The following OR6J1 variants were observed in gnomAD, a reference collection of about 807,000 sequenced individuals.
The protein encoded by OR6J1 is olfactory receptor family 6 subfamily J member 1.
For synonymous variants in OR6J1, 109 were observed against 70.0 expected (o/e 1.56, Z -2.78); for missense variants, 304 against 166.8 (o/e 1.82, Z -4.53).
At chr14:22,638,848 GC>G (rs377278813) in intron 1 of OR6J1, among the ~76,000 whole-genome samples, 9,461 of 93,938 alleles carry the variant, frequency 0.1, 1,609 homozygotes, top group African/African-American at 0.33. Flanking sequence ...GAGCGTCTCC[GC>G]CCGGCCGCCA....
In OR6J1 at chr14:22,641,208, GATA is replaced by G. The variant is rs1252035888; in HGVS notation, c.-28+2887_-28+2889del. Among the ~76,000 whole-genome samples the G allele has an allele frequency of 7.1e-4, 18 of 25,308 alleles. 2 individuals carry two copies. Among genetic ancestry groups the G allele is most frequent in the African/African-American group, 1.8e-3 (5 of 2,838 alleles). 16.6% of individuals were successfully genotyped at this position (25,308 alleles called of 152,430 possible). On this transcript the variant is annotated intron_variant, in intron 1 of 1. Transcript: ENST00000540461. ...AAAGAGAGACAGAGAGGGAGAGAAA[GATA>G]AGAAAGAAAGAAAGAAAGAAAGAAA... is the stretch of plus-strand genomic sequence containing the variant.
chr14:22,642,791 T>A (rs570871810), intron 1 of OR6J1, among the ~76,000 whole-genome samples: 1 of 152,098 alleles, frequency 6.6e-6, no homozygotes, highest in East Asian at 1.9e-4. Context: ...CTATAATATT[T>A]TCTTTATTTT....
intron 1 of OR6J1, among the ~76,000 whole-genome samples, chr14:22,637,407 G>T (rs1298772749): frequency 2.6e-5 from 1 of 38,602 alleles, no homozygotes; most frequent in Non-Finnish European, 4.8e-5. Flanking sequence ...CAGGAGGGAG[G>T]TGGGGGGGTC....
At chr14:22,640,072 T>C (rs2037631614) in intron 1 of OR6J1, among the ~76,000 whole-genome samples, 1 of 151,970 alleles carries the variant, frequency 6.6e-6, no homozygotes, top group African/African-American at 2.4e-5. Context: ...TGTCATTACC[T>C]TGTAAAGATG....
At position 22,633,090 on chromosome 14, in the gene OR6J1, C is replaced by T. The variant is rs1436921634; in HGVS notation, c.*678G>A. The T allele has an allele frequency of 6.6e-6, 1 of 152,234 alleles. No individual in the cohort carries two copies. Among genetic ancestry groups the T allele is most frequent in the African/African-American group, 2.4e-5 (1 of 41,436 alleles). 9.4% of individuals were successfully genotyped at this position (152,234 alleles called of 1,614,324 possible). ...GCTCCTCTGGTCCAGCCAAGCCACACAGGTCATAGGTCACTGGCCAGTCTC... is the reference window on the plus strand; with the variant it reads ...GCTCCTCTGGTCCAGCCAAGCCACATAGGTCATAGGTCACTGGCCAGTCTC... On this transcript the variant is annotated 3_prime_UTR_variant, in exon 2 of 2. Coordinates refer to ENST00000540461, the MANE Select transcript of OR6J1 (RefSeq NM_001348233.2).
In OR6J1 at chr14:22,634,140, T is replaced by C. The variant is rs1166052333; in HGVS notation, c.672A>G (p.Ile224Met). 5.7e-6 allele frequency: 4 copies of C among 703,262 alleles called. No homozygotes were observed. The African/African-American group carries it at 7.0e-5, about 12-fold the overall frequency. The allele number at this position is 703,262 out of a possible 1,614,324, so 43.6% of individuals were successfully genotyped here. Residue 224 changes from isoleucine (I) to methionine (M), a missense_variant, in exon 2 of 2, where the codon ATA (isoleucine) becomes ATG (methionine). Physicochemically the swap from Ile to Met is conservative, Grantham distance 10 (BLOSUM62 1). Coordinates refer to ENST00000540461, the MANE Select transcript of OR6J1 (RefSeq NM_001348233.2). The part of the protein sequence containing the change: ...AYSYTYIILT[I>M]VRIPSASGRK... ...TTCCACTTGCAGAAGGAATGCGCAC[T>C]ATGGTCAAGATGATGTACGTATAGG...
rs2139289534 is a variant in OR6J1 at position 22,632,587 on chromosome 14, C to A, written c.*1181G>T. 1 of 152,396 alleles carries A rather than the reference C, an allele frequency of 6.6e-6. No homozygotes were observed. The highest frequency in any genetic ancestry group is 2.1e-4 in the South Asian group (1 of 4,830). The allele number at this position is 152,396 out of a possible 1,614,324, so 9.4% of individuals were successfully genotyped here. Reference sequence around the variant, plus strand: ...TCTCAAAACAAAAACAAAACAGATTCTTTCCAGGTGTATGGAGCCAGAAAA... The same window carrying A: ...TCTCAAAACAAAAACAAAACAGATTATTTCCAGGTGTATGGAGCCAGAAAA... On this transcript the variant is annotated 3_prime_UTR_variant, in exon 2 of 2. Transcript: ENST00000540461.
rs1235103171 is a variant in OR6J1, at chr14:22,643,758, C to CAG, written c.-28+339_-28+340insCT. ...ACACACACACACACACACACACACA[C>CAG]ACACACAGAGAGAGAGAGAGAGAGA... On this transcript the variant is annotated intron_variant, in intron 1 of 1. Coordinates refer to ENST00000540461, the MANE Select transcript of OR6J1 (RefSeq NM_001348233.2). 8.5e-3 allele frequency among the ~76,000 whole-genome samples: 515 copies of CAG among 60,466 alleles called. 1 individual carries two copies. The highest frequency in any genetic ancestry group is 0.016 in the African/African-American group (268 of 16,492). 39.7% of individuals were successfully genotyped at this position (60,466 alleles called of 152,430 possible).
At position 22,644,161 on chromosome 14, in the gene OR6J1, C is replaced by T. The variant is rs1446184124; in HGVS notation, c.-91G>A. 6.6e-6 allele frequency: 1 copy of T among 152,442 alleles called. No homozygotes were observed. Among genetic ancestry groups the T allele is most frequent in the Non-Finnish European group, 1.5e-5 (1 of 68,156 alleles). 9.4% of individuals were successfully genotyped at this position (152,442 alleles called of 1,614,324 possible). On this transcript the variant is annotated 5_prime_UTR_variant, in exon 1 of 2. The change creates a new upstream start codon in the 5' untranslated region. Coordinates refer to ENST00000540461, the MANE Select transcript of OR6J1 (RefSeq NM_001348233.2). Reference sequence around the variant, plus strand: ...TCTGTTCACCTGGGATTTGCTGCCACCTAGGATCTTCCACGGTAATTATCT... The same window carrying T: ...TCTGTTCACCTGGGATTTGCTGCCATCTAGGATCTTCCACGGTAATTATCT...
At chr14:22,639,241 TCAGCCCCCCGCCAGGC>T (rs1271323487) in intron 1 of OR6J1, among the ~76,000 whole-genome samples, 1 of 109,680 alleles carries the variant, frequency 9.1e-6, no homozygotes, top group African/African-American at 5.3e-5. Context: ...TGGTGGGGGG[TCAGCCCCCCGCCAGGC>T]CAGCCGCCCC....
In OR6J1 at chr14:22,642,312, AATATATATATAT is replaced by A. The variant is rs71421135; in HGVS notation, c.-28+1774_-28+1785del. Among the ~76,000 whole-genome samples, 262 of 109,230 alleles carry A rather than the reference AATATATATATAT, an allele frequency of 2.4e-3. 3 individuals are homozygous for A. Among genetic ancestry groups the A allele is most frequent in the African/African-American group, 8.5e-3 (209 of 24,458 alleles). 71.7% of individuals were successfully genotyped at this position (109,230 alleles called of 152,430 possible). Reference sequence around the variant, plus strand: ...TGTCCATCACCACAATCAACTTAAGAATATATATATATATATATATATATATATATATATATA... The same window carrying A: ...TGTCCATCACCACAATCAACTTAAGAATATATATATATATATATATATATA... On this transcript the variant is annotated intron_variant, in intron 1 of 1. Coordinates refer to ENST00000540461, the MANE Select transcript of OR6J1 (RefSeq NM_001348233.2).
At position 22,632,136 on chromosome 14, in the gene OR6J1, A is replaced by G. The variant is rs947085823; in HGVS notation, c.*1632T>C. 1.3e-5 allele frequency: 2 copies of G among 152,344 alleles called. No individual in the cohort carries two copies. The highest frequency in any genetic ancestry group is 4.8e-5 in the African/African-American group (2 of 41,462). The allele number at this position is 152,344 out of a possible 1,614,324, so 9.4% of individuals were successfully genotyped here. ...TGCAGCACTGGCGGCCAAGCAAGAC[A>G]AGAAATTAAACCTCAGAGATTCTGA... On this transcript the variant is annotated 3_prime_UTR_variant, in exon 2 of 2. Transcript: ENST00000540461.
In OR6J1 at chr14:22,633,740, C is replaced by T. The variant is rs1038643759; in HGVS notation, c.*28G>A. On this transcript the variant is annotated 3_prime_UTR_variant, in exon 2 of 2. Transcript: ENST00000540461. ...TATTCAGAATTCCTTAGCTAGCTCA[C>T]TCTTTCACTAAGGCAGCTCCTCTCT... The T allele has an allele frequency of 3.4e-5, 22 of 641,744 alleles. No individual in the cohort carries two copies. Among genetic ancestry groups the T allele is most frequent in the Non-Finnish European group, 4.7e-5 (17 of 359,100 alleles). The allele number at this position is 641,744 out of a possible 1,614,324, so 39.8% of individuals were successfully genotyped here. A position where few individuals can be genotyped will look rare whatever the true frequency, so the allele number is the denominator to read the frequency against.
intron 1 of OR6J1, among the ~76,000 whole-genome samples, chr14:22,641,176 G>GAGAGAGAA (rs2037641903): frequency 8.3e-6 from 1 of 121,084 alleles, no homozygotes; most frequent in Non-Finnish European, 1.7e-5. Flanking sequence ...GAAAGAGAGA[G>GAGAGAGAA]AGAGAGAAAG....
chr14:22,640,266 G>A lies in OR6J1; in HGVS notation c.-28+3832C>T, dbSNP rs1266237274. Reference sequence around the variant, plus strand: ...GGAAGGAAGGAAGGAAGCAAGGAAGGAAGGAAGGAAGGAAGGAAGGAAAGG... The same window carrying A: ...GGAAGGAAGGAAGGAAGCAAGGAAGAAAGGAAGGAAGGAAGGAAGGAAAGG... On this transcript the variant is annotated intron_variant, in intron 1 of 1. Coordinates refer to ENST00000540461, the MANE Select transcript of OR6J1 (RefSeq NM_001348233.2). Among the ~76,000 whole-genome samples the A allele has an allele frequency of 2.7e-4, 26 of 97,528 alleles. 1 individual carries two copies. Among genetic ancestry groups the A allele is most frequent in the African/African-American group, 7.9e-4 (21 of 26,454 alleles). The allele number at this position is 97,528 out of a possible 152,430, so 64.0% of individuals were successfully genotyped here.
At chr14:22,639,331 C>T (rs2037624035) in intron 1 of OR6J1, among the ~76,000 whole-genome samples, 1 of 131,264 alleles carries the variant, frequency 7.6e-6, no homozygotes, top group Non-Finnish European at 1.6e-5. Context: ...GCCCCTCTGC[C>T]CGGCCAGCCA....
intron 1 of OR6J1, among the ~76,000 whole-genome samples, chr14:22,638,554 C>T (rs1188206532): frequency 1.0e-5 from 1 of 100,010 alleles, no homozygotes; most frequent in Middle Eastern, 3.5e-3. Context: ...AAACCAGAGA[C>T]CTTTGTTCAC....
chr14:22,636,117 AAGAT>A (rs947706074), intron 1 of OR6J1, among the ~76,000 whole-genome samples: 8 of 151,986 alleles, frequency 5.3e-5, no homozygotes, highest in African/African-American at 1.9e-4. Context: ...ATCCAATAGA[AAGAT>A]GGGCCAAACA....
In OR6J1 at chr14:22,638,675, TA is replaced by T. The variant is rs1275508090; in HGVS notation, c.-27-3838del. Among the ~76,000 whole-genome samples the T allele has an allele frequency of 8.1e-3, 266 of 32,914 alleles. 37 individuals are homozygous for T. The highest frequency in any genetic ancestry group is 0.07 in the African/African-American group (255 of 3,646). The allele number at this position is 32,914 out of a possible 152,430, so 21.6% of individuals were successfully genotyped here. On this transcript the variant is annotated intron_variant, in intron 1 of 1. Coordinates refer to ENST00000540461, the MANE Select transcript of OR6J1 (RefSeq NM_001348233.2). ...AAAAAAAATAAAAATAAAAAAAAAA[TA>T]AAAAAAATTAAGACACTAGCAAGAT...
Sources: gnomAD v4.1 joint callset for allele counts (sites outside exome capture counted in the v4.1 genomes callset) on GRCh38, gnomAD v4.1.1 for gene constraint, MANE v1.5 for transcripts, NCBI Gene and HGNC (gene_info 2026-07-23, HGNC 2026-07-21) for gene names.